CAST: variants seen among roughly 807,000 people sequenced by gnomAD.
CAST encodes MIR583 host.
Under a neutral mutation model 119.6 loss-of-function variants are expected in CAST, and 76 were observed. The observed-to-expected ratio is 0.64, with a 90% CI of 0.53 to 0.77. The LOEUF (loss-of-function observed/expected upper bound fraction) is 0.77. CAST is among the 30% of genes least tolerant of loss of function. CAST has a pLI of 0.00. For synonymous variants in CAST, 319 were observed against 331.6 expected (o/e 0.96, Z 0.41); for missense variants, 953 against 946.5 (o/e 1.01, Z -0.09).
chr5:96,561,872 A>G (rs1304593280), intron 1 of CAST, among the ~76,000 whole-genome samples: 2 of 129,096 alleles, frequency 1.5e-5, no homozygotes, highest in Admixed American at 8.8e-5. Context: ...GGCTCACTGC[A>G]AGCTCCGCCT....
the CAST span, among the ~76,000 whole-genome samples, chr5:96,314,754 A>T: frequency 6.6e-6 from 1 of 152,194 alleles, no homozygotes; most frequent in African/African-American, 2.4e-5. Flanking sequence ...GCTCTGTGAT[A>T]ACCTGTTCAC....
At chr5:95,999,960 T>C in the CAST span, among the ~76,000 whole-genome samples, 1 of 152,196 alleles carries the variant, frequency 6.6e-6, no homozygotes, top group African/African-American at 2.4e-5. Context: ...GGATTTGAAG[T>C]GGTATCTCAT....
At chr5:96,651,923 T>G (rs1276222935) in intron 1 of CAST, among the ~76,000 whole-genome samples, 3 of 152,182 alleles carry the variant, frequency 2.0e-5, no homozygotes, top group African/African-American at 7.2e-5. Flanking sequence ...ACACACATAT[T>G]TAATCTGTGT....
chr5:95,998,846 A>G, the CAST span, among the ~76,000 whole-genome samples: 2 of 152,154 alleles, frequency 1.3e-5, no homozygotes, highest in Non-Finnish European at 2.9e-5. Flanking sequence ...CATAGAGGTT[A>G]TACTAATTTA....
chr5:96,432,913 C>A, the CAST span: 1 of 1,614,130 alleles, frequency 6.2e-7, no homozygotes, highest in Non-Finnish European at 8.5e-7. Context: ...GAGGCTGCTT[C>A]CGGGCCCCCG....
intron 1 of CAST, among the ~76,000 whole-genome samples, chr5:96,591,898 T>C (rs376326899): frequency 4.5e-4 from 69 of 152,332 alleles, no homozygotes; most frequent in African/African-American, 1.6e-3. Context: ...CTTTAGTTTG[T>C]ATTGTAGCTC....
chr5:96,577,793 C>T (rs976247881), intron 1 of CAST, among the ~76,000 whole-genome samples: 7 of 152,064 alleles, frequency 4.6e-5, no homozygotes, highest in African/African-American at 1.4e-4. Flanking sequence ...GTCCAGCATA[C>T]AGTTTGTCTT....
upstream of CAST, among the ~76,000 whole-genome samples, chr5:96,528,865 C>T (rs928433029): frequency 1.3e-5 from 2 of 152,182 alleles, no homozygotes; most frequent in African/African-American, 4.8e-5. Flanking sequence ...TTCTGCCTGT[C>T]ATTTCTCAAG....
At chr5:96,310,600 T>A in the CAST span, among the ~76,000 whole-genome samples, 1 of 151,688 alleles carries the variant, frequency 6.6e-6, no homozygotes, top group Non-Finnish European at 1.5e-5. Context: ...GATTACTGAC[T>A]TAATCTCTTA....
chr5:96,391,251 A>G, the CAST span: 1 of 152,234 alleles, frequency 6.6e-6, no homozygotes, highest in Non-Finnish European at 1.5e-5. Context: ...GAGCAGGTGA[A>G]AATTTGTGTT....
the CAST span, among the ~76,000 whole-genome samples, chr5:96,312,920 G>A: frequency 6.6e-6 from 1 of 152,020 alleles, no homozygotes; most frequent in Admixed American, 6.6e-5. Context: ...ACATAACTAG[G>A]ACCTCTCTAG....
At chr5:96,559,260 G>A (rs1746307945) in intron 1 of CAST, among the ~76,000 whole-genome samples, 1 of 152,120 alleles carries the variant, frequency 6.6e-6, no homozygotes, top group African/African-American at 2.4e-5. Flanking sequence ...CATACTGAAT[G>A]GGCAAAAACT....
chr5:96,205,617 C>G, the CAST span, among the ~76,000 whole-genome samples: 1 of 151,996 alleles, frequency 6.6e-6, no homozygotes, highest in Non-Finnish European at 1.5e-5. Flanking sequence ...GTCTCCTGCT[C>G]CATACATGTT....
chr5:96,099,135 G>T, the CAST span, among the ~76,000 whole-genome samples: 1 of 152,112 alleles, frequency 6.6e-6, no homozygotes, highest in Non-Finnish European at 1.5e-5. Flanking sequence ...GACTGTTGTT[G>T]GTGTATAGGA....
intron 1 of CAST, among the ~76,000 whole-genome samples, chr5:96,568,942 G>C (rs985172024): frequency 1.3e-5 from 2 of 152,172 alleles, no homozygotes; most frequent in Non-Finnish European, 2.9e-5. Flanking sequence ...TGTTGTGTCA[G>C]AGCAGAAAAT....
At chr5:96,439,891 A>G in the CAST span, among the ~76,000 whole-genome samples, 17 of 152,310 alleles carry the variant, frequency 1.1e-4, no homozygotes, top group African/African-American at 3.8e-4. Context: ...AATTATGGTT[A>G]GAAGAGGGAC....
At chr5:95,961,521 C>A in the CAST span, 9 of 1,465,660 alleles carry the variant, frequency 6.1e-6, no homozygotes, top group Non-Finnish European at 8.1e-6. Flanking sequence ...GCGGCCAGGC[C>A]GTGAGGGGTG....
chr5:96,663,054 T>G (rs1348772317), intron 1 of CAST: 2 of 699,834 alleles, frequency 2.9e-6, no homozygotes, highest in South Asian at 3.0e-5. Flanking sequence ...CCAAGCGGAG[T>G]GTGAGCCCGG....
intron 1 of CAST, among the ~76,000 whole-genome samples, chr5:96,618,984 A>G (rs1005664535): frequency 8.5e-5 from 13 of 152,218 alleles, no homozygotes; most frequent in African/African-American, 2.7e-4. Context: ...AAATGCACCA[A>G]TCAGCACTCT....
Sources: gnomAD v4.1 joint callset for allele counts (sites outside exome capture counted in the v4.1 genomes callset) on GRCh38, gnomAD v4.1.1 for gene constraint, MANE v1.5 for transcripts, NCBI Gene and HGNC (gene_info 2026-07-23, HGNC 2026-07-21) for gene names.